The following RPS6KA5 variants were observed in gnomAD, a reference collection of about 807,000 sequenced individuals.
RPS6KA5 encodes the protein ribosomal protein S6 kinase alpha-5.
Under a neutral mutation model 85.5 loss-of-function variants are expected in RPS6KA5, and 27 were observed. The ratio of observed to expected loss-of-function variants is 0.32; its 90% CI spans 0.23 to 0.44. The LOEUF is 0.44. RPS6KA5 is among the 20% of genes least tolerant of loss of function. The pLI is 1.00. For missense variants in RPS6KA5, 811 were observed against 980.9 expected (o/e 0.83, Z 2.31); for synonymous variants, 334 against 348.2 (o/e 0.96, Z 0.46).
intron 2 of RPS6KA5, among the ~76,000 whole-genome samples, chr14:90,994,025 A>G (rs2040412559): frequency 6.6e-6 from 1 of 151,940 alleles, no homozygotes; most frequent in Admixed American, 6.6e-5. Flanking sequence ...AATGGCTAGG[A>G]CTACAGTCAT....
chr14:90,944,383 A>G (rs1485582508), intron 4 of RPS6KA5, among the ~76,000 whole-genome samples: 1 of 152,234 alleles, frequency 6.6e-6, no homozygotes, highest in Non-Finnish European at 1.5e-5. Flanking sequence ...TGGAAGGCTG[A>G]GGCAGGAGGG....
chr14:90,986,668 T>C (rs1480739758), intron 2 of RPS6KA5, among the ~76,000 whole-genome samples: 1 of 152,176 alleles, frequency 6.6e-6, no homozygotes, highest in African/African-American at 2.4e-5. Flanking sequence ...GCTGTGAGTG[T>C]TGGCTGCTGG....
chr14:90,905,282 A>AT (rs2035439140), intron 8 of RPS6KA5, among the ~76,000 whole-genome samples: 1 of 152,118 alleles, frequency 6.6e-6, no homozygotes, highest in Non-Finnish European at 1.5e-5. Context: ...ATTTTGCTAT[A>AT]TTATTTTCAT....
chr14:90,993,271 C>G (rs1451591672), intron 2 of RPS6KA5, among the ~76,000 whole-genome samples: 2 of 152,144 alleles, frequency 1.3e-5, no homozygotes, highest in Admixed American at 6.5e-5. Flanking sequence ...GAAACCCCAT[C>G]TCTACTAAAA....
intron 7 of RPS6KA5, among the ~76,000 whole-genome samples, chr14:90,915,570 G>A (rs1403308886): frequency 6.6e-6 from 1 of 152,148 alleles, no homozygotes. Flanking sequence ...ACTTTGGGAG[G>A]CTGAGGCAGG....
At chr14:90,964,496 G>A (rs780955462) in intron 3 of RPS6KA5, among the ~76,000 whole-genome samples, 1 of 152,146 alleles carries the variant, frequency 6.6e-6, no homozygotes, top group Non-Finnish European at 1.5e-5. Context: ...AGGATTTTCT[G>A]GCCTACAGAC....
At chr14:90,962,030 C>G (rs2038822577) in intron 3 of RPS6KA5, among the ~76,000 whole-genome samples, 1 of 152,116 alleles carries the variant, frequency 6.6e-6, no homozygotes, top group East Asian at 1.9e-4. Context: ...AGAAATAATA[C>G]ATATAAAGGA....
At chr14:90,890,346 T>A in intron 14 of RPS6KA5, 141 bp downstream of exon 14, 1 of 518,506 alleles carries the variant, frequency 1.9e-6, no homozygotes. Context: ...TACTATTCAG[T>A]CAGGCCTCTA....
rs8008876 is a variant in RPS6KA5 at position 90,892,849 on chromosome 14, T to C, written c.1644+1564A>G. Among the ~76,000 whole-genome samples, 517 of 152,378 alleles carry C rather than the reference T, an allele frequency of 3.4e-3. 3 individuals carry two copies. Among genetic ancestry groups the C allele is most frequent in the African/African-American group, 0.012 (492 of 41,596 alleles). On this transcript the variant is annotated intron_variant, in intron 13 of 16. Transcript: ENST00000614987. ...TGTTAGTTCAAAGGTCTATTTTCAT[T>C]TCTCCAAAATCTAGTTTGATTTAGG...
In RPS6KA5 at chr14:90,867,909, C is replaced by T. The variant is rs2032868524; in HGVS notation, c.*4165G>A. ...AAGCATTTGGAATGGTAATCAACTA[C>T]TTAATTACATAACAGGGAGCTGGGC... On this transcript the variant is annotated 3_prime_UTR_variant, in exon 17 of 17. Transcript: ENST00000614987. 1 of 152,034 alleles carries T rather than the reference C, an allele frequency of 6.6e-6. No individual in the cohort carries two copies. The highest frequency in any genetic ancestry group is 2.4e-5 in the African/African-American group (1 of 41,386). The allele number at this position is 152,034 out of a possible 1,614,324, so 9.4% of individuals were successfully genotyped here.
At chr14:90,941,051 A>T (rs2037545390) in intron 5 of RPS6KA5, among the ~76,000 whole-genome samples, 1 of 152,182 alleles carries the variant, frequency 6.6e-6, no homozygotes, top group Admixed American at 6.5e-5. Context: ...GGAATGAGCA[A>T]ATAAAAGTGA....
intron 5 of RPS6KA5, among the ~76,000 whole-genome samples, chr14:90,937,743 G>GT (rs956892002): frequency 2.6e-4 from 40 of 152,190 alleles, no homozygotes; most frequent in African/African-American, 8.9e-4. Flanking sequence ...GAAAACTCCC[G>GT]TTTTTTAAAC....
chr14:91,035,847 CAAAAAAAAAAAAAAAAAAAAA>C (rs199625173), intron 1 of RPS6KA5, among the ~76,000 whole-genome samples: 14 of 69,902 alleles, frequency 2.0e-4, no homozygotes, highest in Non-Finnish European at 3.0e-4. Flanking sequence ...CCCTCACCTT[CAAAAAAAAAAAAAAAAAAAAA>C]AAAAAAAAAA....
At chr14:91,053,188 TAGG>T (rs1450199415) in intron 1 of RPS6KA5, among the ~76,000 whole-genome samples, 5 of 151,914 alleles carry the variant, frequency 3.3e-5, no homozygotes, top group South Asian at 2.1e-4. Flanking sequence ...ACACCCAAAC[TAGG>T]AGGAGAAGTG....
rs11159981 is a variant in RPS6KA5, at chr14:90,848,996, G to A, written c.*23078C>T. ...GATCAACAAAAGAAAAGAGTCCACC[G>A]CACTCCAGCCTGGGCAACAGAGCAA... is the stretch of plus-strand genomic sequence containing the variant. On this transcript the variant is annotated 3_prime_UTR_variant, in exon 17 of 17. Coordinates refer to ENST00000614987, the MANE Select transcript of RPS6KA5 (RefSeq NM_004755.4). 0.29 allele frequency: 44,793 copies of A among 151,954 alleles called. 6,807 individuals are homozygous for A. Among genetic ancestry groups the A allele is most frequent in the African/African-American group, 0.35 (14,399 of 41,422 alleles). 9.4% of individuals were successfully genotyped at this position (151,954 alleles called of 1,614,324 possible).
intron 13 of RPS6KA5, among the ~76,000 whole-genome samples, chr14:90,893,812 TAA>T (rs1566702876): frequency 6.6e-6 from 1 of 152,132 alleles, no homozygotes. Context: ...GGGATCATTC[TAA>T]GAGTTAGAAC....
At chr14:90,967,831 A>T (rs555505057) in intron 3 of RPS6KA5, among the ~76,000 whole-genome samples, 1 of 152,282 alleles carries the variant, frequency 6.6e-6, no homozygotes, top group Non-Finnish European at 1.5e-5. Flanking sequence ...AAATTCAAAA[A>T]CATAAAATTT....
chr14:91,017,487 T>G (rs1213045943), intron 1 of RPS6KA5, among the ~76,000 whole-genome samples: 2 of 152,230 alleles, frequency 1.3e-5, no homozygotes, highest in East Asian at 3.8e-4. Context: ...TCTTACCATG[T>G]TCTCCACCAT....
At chr14:91,056,562 C>G (rs1480236968) in intron 1 of RPS6KA5, among the ~76,000 whole-genome samples, 1 of 152,182 alleles carries the variant, frequency 6.6e-6, no homozygotes, top group Non-Finnish European at 1.5e-5. Context: ...AGCAGAGATT[C>G]AAGGTGGACA....
Sources: allele counts gnomAD v4.1 joint callset (sites outside exome capture counted in the v4.1 genomes callset), GRCh38; gene constraint gnomAD v4.1.1; transcripts MANE v1.5; gene names NCBI Gene and HGNC (gene_info 2026-07-23, HGNC 2026-07-21).